The following NRXN3 variants were observed in gnomAD, a reference collection of about 807,000 sequenced individuals.
The protein encoded by NRXN3 is neurexin III.
In NRXN3, 32 loss-of-function variants were observed where a neutral mutation model predicts 137.6. The observed-to-expected ratio is 0.23, with a 90% CI of 0.18 to 0.31. The LOEUF (loss-of-function observed/expected upper bound fraction) is 0.31. NRXN3 is among the 10% of genes least tolerant of loss of function. NRXN3 has a pLI of 1.00. For synonymous variants in NRXN3, 798 were observed against 784.5 expected (o/e 1.02, Z -0.29); for missense variants, 1,574 against 2,062.5 (o/e 0.76, Z 4.59).
intron 19 of NRXN3, among the ~76,000 whole-genome samples, chr14:79,752,456 A>G (rs1043956690): frequency 6.6e-6 from 1 of 152,198 alleles, no homozygotes; most frequent in African/African-American, 2.4e-5. Flanking sequence ...TGAGAAAGAC[A>G]AGCAATGGGG....
chr14:78,527,253 C>A (rs1266400397), intron 4 of NRXN3, among the ~76,000 whole-genome samples: 2 of 152,250 alleles, frequency 1.3e-5, no homozygotes, highest in Admixed American at 6.5e-5. Flanking sequence ...GTACAGGAAG[C>A]ACAGCAGCAT....
intron 14 of NRXN3, among the ~76,000 whole-genome samples, chr14:78,977,674 C>G (rs2153035930): frequency 6.6e-6 from 1 of 152,268 alleles, no homozygotes; most frequent in Non-Finnish European, 1.5e-5. Flanking sequence ...ACTCCCACCT[C>G]TCTACTGTCA....
chr14:79,068,949 C>T (rs552094363), intron 15 of NRXN3, among the ~76,000 whole-genome samples: 1 of 151,912 alleles, frequency 6.6e-6, no homozygotes, highest in African/African-American at 2.4e-5. Flanking sequence ...ATTCTGAATA[C>T]CTTTAATTTG....
intron 1 of NRXN3, among the ~76,000 whole-genome samples, chr14:78,210,037 A>G (rs1488852397): frequency 6.6e-6 from 1 of 152,234 alleles, no homozygotes; most frequent in Non-Finnish European, 1.5e-5. Context: ...CTGACACATA[A>G]TAAGTGCTTA....
At chr14:78,192,503 AC>A (rs2060843772) in intron 1 of NRXN3, among the ~76,000 whole-genome samples, 1 of 152,206 alleles carries the variant, frequency 6.6e-6, no homozygotes, top group East Asian at 1.9e-4. Context: ...TTTATTGAGT[AC>A]CTGCTGGGTT....
intron 4 of NRXN3, among the ~76,000 whole-genome samples, chr14:78,624,928 G>C (rs988894337): frequency 6.6e-6 from 1 of 151,988 alleles, no homozygotes. Context: ...TGCAACCTCC[G>C]CCTCCCAGGT....
intron 15 of NRXN3, among the ~76,000 whole-genome samples, chr14:79,261,431 A>G (rs1470398143): frequency 6.6e-6 from 1 of 152,166 alleles, no homozygotes; most frequent in Non-Finnish European, 1.5e-5. Flanking sequence ...GAAAGGGCAC[A>G]GAGAAGGAGA....
rs137922078 is a variant in NRXN3, at chr14:79,589,788, A to C, written c.3445-73990A>C. Among the ~76,000 whole-genome samples the C allele has an allele frequency of 3.2e-3, 482 of 152,184 alleles. 6 individuals carry two copies. The highest frequency in any genetic ancestry group is 0.011 in the African/African-American group (439 of 41,522). ...CAACTCATTAAACACCAAATTGCTCACTCTTAATGAGTCTCTGACGCTAAA... is the reference window on the plus strand; with the variant it reads ...CAACTCATTAAACACCAAATTGCTCCCTCTTAATGAGTCTCTGACGCTAAA... On this transcript the variant is annotated intron_variant, in intron 16 of 20. Coordinates refer to ENST00000335750, the MANE Select transcript of NRXN3 (RefSeq NM_001330195.2).
At chr14:79,141,534 T>C (rs1045259950) in intron 15 of NRXN3, among the ~76,000 whole-genome samples, 2 of 152,178 alleles carry the variant, frequency 1.3e-5, no homozygotes. Context: ...CTGAGACTAA[T>C]GGAGGTGAAG....
At chr14:79,255,179 C>A (rs1025109982) in intron 15 of NRXN3, among the ~76,000 whole-genome samples, 5 of 152,192 alleles carry the variant, frequency 3.3e-5, no homozygotes, top group African/African-American at 7.2e-5. Flanking sequence ...TGCACAGAAA[C>A]AATCACAAAC....
intron 10 of NRXN3, among the ~76,000 whole-genome samples, chr14:78,867,046 C>T (rs1287356181): frequency 1.3e-5 from 2 of 152,144 alleles, no homozygotes; most frequent in African/African-American, 4.8e-5. Context: ...ATCCACCTGC[C>T]TCAGCCTCTC....
chr14:78,714,779 C>A lies in NRXN3; in HGVS notation c.1684C>A (p.Arg562Ser), dbSNP rs1395656638. ...RSGTISVNSR[R>S]TPFTASGESE... The stretch of plus-strand genomic sequence containing the variant: ...AGGTACTATATCAGTGAACAGCAGG[C>A]GCACGCCATTCACCGCCAGTGGGGA... Residue 562 changes from arginine to serine, a missense_variant, in exon 8 of 21, where the codon CGC (arginine) becomes AGC (serine). By Grantham distance (110) the Arg-to-Ser change is moderately radical (BLOSUM62 -1). Transcript: ENST00000335750. The A allele has an allele frequency of 1.9e-6, 3 of 1,613,992 alleles. No homozygotes were observed. The highest frequency in any genetic ancestry group is 1.1e-5 in the South Asian group (1 of 91,060).
intron 1 of NRXN3, among the ~76,000 whole-genome samples, chr14:78,211,408 C>T (rs969214314): frequency 8.5e-5 from 13 of 152,228 alleles, no homozygotes; most frequent in Non-Finnish European, 1.3e-4. Flanking sequence ...TCACCCTCCC[C>T]ACCACTGTGG....
chr14:78,736,078 A>T (rs1359335875), intron 8 of NRXN3, among the ~76,000 whole-genome samples: 1 of 151,998 alleles, frequency 6.6e-6, no homozygotes, highest in Non-Finnish European at 1.5e-5. Context: ...CTTTCCACCC[A>T]CCCTATCCCC....
intron 15 of NRXN3, among the ~76,000 whole-genome samples, chr14:79,026,039 C>T (rs572463432): frequency 1.1e-4 from 16 of 152,196 alleles, no homozygotes; most frequent in African/African-American, 3.9e-4. Context: ...AATTACATAA[C>T]ATGTTACCCC....
At chr14:78,224,198 T>A (rs1596078745) in intron 1 of NRXN3, among the ~76,000 whole-genome samples, 1 of 150,182 alleles carries the variant, frequency 6.7e-6, no homozygotes, top group African/African-American at 2.4e-5. Context: ...TTTTTTTTTT[T>A]AACTTTTAAA....
intron 1 of NRXN3, among the ~76,000 whole-genome samples, chr14:78,237,326 G>A (rs1174271072): frequency 6.6e-6 from 1 of 152,218 alleles, no homozygotes; most frequent in African/African-American, 2.4e-5. Flanking sequence ...AAAAGTTTTG[G>A]TTCATGAAAT....
rs149549061 is a variant in NRXN3, at chr14:79,760,190, C to T, written c.4015-44922C>T. Among the ~76,000 whole-genome samples the T allele has an allele frequency of 2.2e-4, 33 of 151,622 alleles. 1 individual carries two copies. The East Asian group carries it at 4.4e-3, about 20-fold the overall frequency. On this transcript the variant is annotated intron_variant, in intron 19 of 20. Transcript: ENST00000335750. Reference sequence around the variant, plus strand: ...GGGCAAAAATAAAATGGGGTTATATCCAACCATGGCATAATACTTCTCATT... The same window carrying T: ...GGGCAAAAATAAAATGGGGTTATATTCAACCATGGCATAATACTTCTCATT...
chr14:79,300,245 T>C (rs1394312402), intron 15 of NRXN3, among the ~76,000 whole-genome samples: 29 of 152,102 alleles, frequency 1.9e-4, no homozygotes. Context: ...AACTCGTTTC[T>C]CTAATTGCAC....
Sources: gnomAD v4.1 joint callset for allele counts (sites outside exome capture counted in the v4.1 genomes callset) on GRCh38, gnomAD v4.1.1 for gene constraint, MANE v1.5 for transcripts, NCBI Gene and HGNC (gene_info 2026-07-23, HGNC 2026-07-21) for gene names.